CELF2: variants seen among roughly 807,000 people sequenced by gnomAD.
CELF2 encodes the protein CUGBP Elav-like family member 2.
A neutral mutation model predicts 62.6 loss-of-function variants in CELF2; 8 were observed. That is an observed-to-expected ratio of 0.13 (90% confidence interval 0.07 to 0.23). The LOEUF is 0.23. Ranked by LOEUF, CELF2 falls within the 10% of genes least tolerant of loss-of-function variation. The pLI is 1.00. For missense variants in CELF2, 333 were observed against 671.0 expected (o/e 0.50, Z 5.56); for synonymous variants, 258 against 250.0 (o/e 1.03, Z -0.30).
intron 1 of CELF2, among the ~76,000 whole-genome samples, chr10:10,866,505 T>A (rs140545297): frequency 6.7e-6 from 1 of 148,690 alleles, no homozygotes; most frequent in East Asian, 2.0e-4. Flanking sequence ...TGCTGGAGGC[T>A]GAGGGAGCAG....
intron 2 of CELF2, among the ~76,000 whole-genome samples, chr10:11,209,832 G>A (rs2061372731): frequency 6.6e-6 from 1 of 152,082 alleles, no homozygotes; most frequent in South Asian, 2.1e-4. Context: ...CTAAGATTGA[G>A]GGAGAAAATA....
Position 11,242,780 on chromosome 10 carries a change from G to T in CELF2, c.355-6373G>T, listed in dbSNP as rs1306342959. On this transcript the variant is annotated intron_variant, in intron 3 of 12. Transcript: ENST00000633077. This position sits in a 1 kb window ranked among gnomAD's most constrained non-coding sequence, Gnocchi z 4.8. ...ACCAGGGTGGACCACTCAGCTCTGGGACCCTGTGTGTGTGTAGGGAGGGAG... is the reference window on the plus strand; with the variant it reads ...ACCAGGGTGGACCACTCAGCTCTGGTACCCTGTGTGTGTGTAGGGAGGGAG... 6.6e-6 allele frequency among the ~76,000 whole-genome samples: 1 copy of T among 152,164 alleles called. No homozygotes were observed. Among genetic ancestry groups the T allele is most frequent in the Non-Finnish European group, 1.5e-5 (1 of 68,026 alleles).
intron 2 of CELF2, among the ~76,000 whole-genome samples, chr10:10,958,096 G>A (rs1416470368): frequency 6.6e-6 from 1 of 152,186 alleles, no homozygotes; most frequent in African/African-American, 2.4e-5. Context: ...TAGACTAAAA[G>A]CGTGTATTGG....
rs1474205167 is a variant in CELF2, at chr10:11,306,451, C to G, written c.977-7688C>G. On this transcript the variant is annotated intron_variant, in intron 9 of 12. Transcript: ENST00000633077. The surrounding 1 kb of genome is among the most constrained non-coding windows in gnomAD (Gnocchi z 4.4). ...TTGGTGGCACCGCATGTGTCTCTGT[C>G]TAAGACCTCTTTCTCAATTGTGCAT... Among the ~76,000 whole-genome samples the G allele has an allele frequency of 3.9e-5, 6 of 152,212 alleles. No homozygotes were observed. The East Asian group carries it at 9.7e-4, about 25-fold the overall frequency.
At chr10:10,493,858 G>T in the CELF2 span, among the ~76,000 whole-genome samples, 2 of 152,104 alleles carry the variant, frequency 1.3e-5, no homozygotes, top group East Asian at 3.9e-4. Context: ...TTTAACAAGC[G>T]GTAGGCTGCT....
the CELF2 span, among the ~76,000 whole-genome samples, chr10:10,539,236 A>G: frequency 6.6e-6 from 1 of 152,252 alleles, no homozygotes; most frequent in Non-Finnish European, 1.5e-5. Flanking sequence ...AAAAGTAGCA[A>G]TACATATTCT....
At chr10:10,869,905 G>A (rs902332047) in intron 1 of CELF2, among the ~76,000 whole-genome samples, 63 of 152,268 alleles carry the variant, frequency 4.1e-4, no homozygotes, top group African/African-American at 1.4e-3. Flanking sequence ...GAGCCCAGGA[G>A]TATAAGGATC....
chr10:10,493,531 GT>G, the CELF2 span, among the ~76,000 whole-genome samples: 31 of 23,562 alleles, frequency 1.3e-3, no homozygotes, highest in East Asian at 5.5e-3. Flanking sequence ...TTTTTTTTTT[GT>G]TTGTTTCTTT....
At chr10:10,687,105 C>T in the CELF2 span, among the ~76,000 whole-genome samples, 7 of 152,140 alleles carry the variant, frequency 4.6e-5, no homozygotes, top group African/African-American at 1.2e-4. Flanking sequence ...ACTGTGGTGC[C>T]GTTTTTTCAT....
the CELF2 span, among the ~76,000 whole-genome samples, chr10:10,790,184 C>T: frequency 6.6e-6 from 1 of 152,014 alleles, no homozygotes; most frequent in African/African-American, 2.4e-5. Flanking sequence ...TCCAATTTCT[C>T]TGTTAGGGTT....
Position 11,321,361 on chromosome 10 carries a change from G to C in CELF2, c.1269G>C (p.Gln423His). The C allele has an allele frequency of 6.2e-7, 1 of 1,608,324 alleles. No individual in the cohort carries two copies. The highest frequency in any genetic ancestry group is 8.5e-7 in the Non-Finnish European group (1 of 1,179,888). ...ACAGCCAGAGCCTGCTGCAGCAGCA[G>C]AGCGCTGCAGGCAGCCAGAAGGAAG... The part of the protein sequence containing the change: ...TLYSQSLLQQ[Q>H]SAAGSQKEGP... The change falls in exon 11 of 13, where the codon CAG (glutamine) becomes CAC (histidine). Residue 423 changes from glutamine to histidine, a missense_variant. By Grantham distance (24) the Gln-to-His change is conservative (BLOSUM62 0). This residue lies in a region of CELF2 where 35 missense variants were observed against 128.1 expected (regional missense o/e 0.27). Transcript: ENST00000633077. The surrounding 1 kb of genome is among the most constrained non-coding windows in gnomAD (Gnocchi z 6.2).
At chr10:10,655,727 T>G in the CELF2 span, among the ~76,000 whole-genome samples, 3 of 131,178 alleles carry the variant, frequency 2.3e-5, no homozygotes, top group African/African-American at 8.3e-5. Flanking sequence ...CAATTCAAGA[T>G]GGATTAAAGA....
chr10:11,283,791 G>C lies in CELF2; in HGVS notation c.842-4627G>C, dbSNP rs535896087. On this transcript the variant is annotated intron_variant, in intron 8 of 12. Transcript: ENST00000633077. ...TCAGTGCCAGATCATAGATGGATGT[G>C]GGGTAGATGATGAGTGGATGGGTGG... Among the ~76,000 whole-genome samples, 3 of 151,932 alleles carry C rather than the reference G, an allele frequency of 2.0e-5. No individual in the cohort carries two copies. In the South Asian group the frequency reaches 6.3e-4, roughly 32 times the overall value.
In CELF2 at chr10:11,330,230, C is replaced by G. The variant is rs2095972160; in HGVS notation, c.*1177C>G. On this transcript the variant is annotated 3_prime_UTR_variant, in exon 13 of 13. Transcript: ENST00000633077. This position sits in a 1 kb window ranked among gnomAD's most constrained non-coding sequence, Gnocchi z 4.5. ...GACCTTCTCCCCCTGTCCCTCACCC[C>G]AAAACACCCGGAATCCATCCCGTTT... 6.6e-6 allele frequency: 1 copy of G among 152,562 alleles called. No individual in the cohort carries two copies. The highest frequency in any genetic ancestry group is 1.5e-5 in the Non-Finnish European group (1 of 68,040). The allele number at this position is 152,562 out of a possible 1,614,324, so 9.5% of individuals were successfully genotyped here.
At chr10:11,035,640 G>T (rs1312629878) in intron 1 of CELF2, among the ~76,000 whole-genome samples, 1 of 152,192 alleles carries the variant, frequency 6.6e-6, no homozygotes. Context: ...CACTCTGTAA[G>T]GCTAATTGCT....
At chr10:10,725,044 G>A in the CELF2 span, among the ~76,000 whole-genome samples, 1 of 152,154 alleles carries the variant, frequency 6.6e-6, no homozygotes, top group African/African-American at 2.4e-5. Flanking sequence ...TTGAAAATGT[G>A]TTCAATGTTA....
chr10:10,860,313 G>A (rs1242940422), intron 1 of CELF2, among the ~76,000 whole-genome samples: 1 of 152,074 alleles, frequency 6.6e-6, no homozygotes, highest in Non-Finnish European at 1.5e-5. Context: ...AAAATAGTTT[G>A]ACTTCACAGA....
intron 1 of CELF2, among the ~76,000 whole-genome samples, chr10:11,059,983 T>C (rs541391472): frequency 4.6e-5 from 7 of 152,368 alleles, no homozygotes; most frequent in Non-Finnish European, 7.3e-5. Flanking sequence ...TTTTCTTGGA[T>C]TCTTTTTATT....
In CELF2 at chr10:10,991,292, C is replaced by T. The variant is rs146683753; in HGVS notation, c.89+71293C>T. Among the ~76,000 whole-genome samples, 11 of 152,244 alleles carry T rather than the reference C, an allele frequency of 7.2e-5. No individual in the cohort carries two copies. In the East Asian group the frequency reaches 7.7e-4, roughly 11 times the overall value. On this transcript the variant is annotated intron_variant, in intron 2 of 13. Coordinates refer to the CELF2 transcript ENST00000636488. ...AAAAAGGTTTGCAAAGTTCAGCTGA[C>T]GACAGCTAATGAATTTGGCATCCTT...
Sources: allele counts gnomAD v4.1 joint callset (sites outside exome capture counted in the v4.1 genomes callset), GRCh38; gene constraint gnomAD v4.1.1; regional missense constraint gnomAD v4.1.1; non-coding constraint Gnocchi (gnomAD v3.1); transcripts MANE v1.5; gene names NCBI Gene and HGNC (gene_info 2026-07-23, HGNC 2026-07-21).